STXBP6: variants seen among roughly 807,000 people sequenced by gnomAD.
The protein encoded by STXBP6 is syntaxin binding protein 6.
In STXBP6, 21 loss-of-function variants were observed where a neutral mutation model predicts 26.9. The ratio of observed to expected loss-of-function variants is 0.78; its 90% CI spans 0.55 to 1.12. STXBP6 has a LOEUF of 1.12. Among genes scored for constraint, STXBP6 ranks in the 50% most tolerant of loss-of-function variants. The probability of loss-of-function intolerance (pLI) is 0.00; values close to 1 mark genes in which losing one functional copy is unlikely to be tolerated. For missense variants in STXBP6, 232 were observed against 257.9 expected, an observed-to-expected ratio of 0.90 and a Z score of 0.69; for synonymous variants, 97 against 92.6, an observed-to-expected ratio of 1.05 and a Z score of -0.27.
In STXBP6 at chr14:24,910,312, T is replaced by C. The variant is rs141386796; in HGVS notation, c.155-53155A>G. ...GTTTTATAGTTAGTTAACATATTTC[T>C]TCTCCATTTGATGTATTTGTCTCCT... is the stretch of plus-strand genomic sequence containing the variant. On this transcript the variant is annotated intron_variant, in intron 2 of 5. Coordinates refer to ENST00000323944, the MANE Select transcript of STXBP6 (RefSeq NM_001394410.1). Among the ~76,000 whole-genome samples, 197 of 152,360 alleles carry C rather than the reference T, an allele frequency of 1.3e-3. 2 individuals carry two copies. The highest frequency in any genetic ancestry group is 2.5e-3 in the South Asian group (12 of 4,826).
chr14:25,028,458 A>G (rs896189162), intron 1 of STXBP6, among the ~76,000 whole-genome samples: 28 of 152,144 alleles, frequency 1.8e-4, no homozygotes, highest in African/African-American at 5.8e-4. Context: ...ATCTGTTCAC[A>G]GTATGGCTTA....
At chr14:25,002,669 C>T (rs1046980280) in intron 1 of STXBP6, among the ~76,000 whole-genome samples, 17 of 150,208 alleles carry the variant, frequency 1.1e-4, no homozygotes, top group African/African-American at 3.9e-4. Context: ...ATTCTTATGA[C>T]TTTCTAAGTC....
intron 1 of STXBP6, among the ~76,000 whole-genome samples, chr14:25,048,190 A>T (rs2075754149): frequency 1.3e-5 from 2 of 152,240 alleles, no homozygotes; most frequent in African/African-American, 4.8e-5. Context: ...GCTCATTCAA[A>T]ACAACTGAGT....
chr14:25,007,259 T>C (rs958012304), intron 1 of STXBP6, among the ~76,000 whole-genome samples: 2 of 152,252 alleles, frequency 1.3e-5, no homozygotes, highest in Admixed American at 6.5e-5. Flanking sequence ...TATCTGCATG[T>C]GTACACGTAA....
chr14:24,842,938 TG>T (rs1404108327), intron 4 of STXBP6, among the ~76,000 whole-genome samples: 1 of 152,176 alleles, frequency 6.6e-6, no homozygotes, highest in African/African-American at 2.4e-5. Flanking sequence ...TGGATAGAGC[TG>T]GGAAGTATAA....
intron 2 of STXBP6, among the ~76,000 whole-genome samples, chr14:24,917,548 C>G (rs1220517278): frequency 2.0e-5 from 3 of 151,866 alleles, no homozygotes; most frequent in African/African-American, 7.3e-5. Flanking sequence ...AACTGAATAA[C>G]CATATGCAAA....
rs2072757313 is a variant in STXBP6, at chr14:24,940,336, G to A, written c.154+34329C>T. On this transcript the variant is annotated intron_variant, in intron 2 of 5. Coordinates refer to ENST00000323944, the MANE Select transcript of STXBP6 (RefSeq NM_001394410.1). ...CAGTAGAAGTATGATTGCTATATGA[G>A]AGAGGGCAAAATACAAGAATTGTGA... Among the ~76,000 whole-genome samples the A allele has an allele frequency of 2.0e-5, 3 of 152,330 alleles. 1 individual carries two copies. The South Asian group carries it at 6.2e-4, about 32-fold the overall frequency.
chr14:24,837,367 C>T (rs60597460), intron 4 of STXBP6, among the ~76,000 whole-genome samples: 3,221 of 152,186 alleles, frequency 0.021, 96 homozygotes, highest in African/African-American at 0.073. Flanking sequence ...TACTTAAGTT[C>T]GGGGGTAGAA....
intron 1 of STXBP6, among the ~76,000 whole-genome samples, chr14:24,995,776 T>C (rs935672536): frequency 2.0e-5 from 3 of 152,178 alleles, no homozygotes; most frequent in African/African-American, 7.2e-5. Flanking sequence ...CTAAATACCC[T>C]TGAATGTTTA....
chr14:24,877,377 G>A (rs530638706), intron 2 of STXBP6, among the ~76,000 whole-genome samples: 3 of 152,178 alleles, frequency 2.0e-5, no homozygotes, highest in South Asian at 4.1e-4. Context: ...CCATCTCTGT[G>A]TCCATCTACT....
chr14:25,047,699 A>C (rs1374935024), intron 1 of STXBP6, among the ~76,000 whole-genome samples: 1 of 152,188 alleles, frequency 6.6e-6, no homozygotes, highest in Non-Finnish European at 1.5e-5. Flanking sequence ...AAGATGCTGC[A>C]CCTGGGGTGG....
chr14:24,912,441 C>CAA (rs373713561), intron 2 of STXBP6, among the ~76,000 whole-genome samples: 9,008 of 100,908 alleles, frequency 0.089, 431 homozygotes, highest in African/African-American at 0.17. Flanking sequence ...AAGTGAATGC[C>CAA]AAAAAAAAAA....
chr14:24,991,987 C>T (rs191407184), intron 1 of STXBP6, among the ~76,000 whole-genome samples: 17 of 152,280 alleles, frequency 1.1e-4, no homozygotes, highest in African/African-American at 3.9e-4. Flanking sequence ...GGCTGGGCTA[C>T]GTGCCACTCT....
At chr14:24,959,057 G>C (rs115946097) in intron 2 of STXBP6, among the ~76,000 whole-genome samples, 1 of 152,144 alleles carries the variant, frequency 6.6e-6, no homozygotes, top group Non-Finnish European at 1.5e-5. Context: ...GGTGATAGTC[G>C]TTGATCAATA....
In STXBP6 at chr14:25,006,081, CT is replaced by C. The variant is rs1487048783; in HGVS notation, c.-32-31232del. On this transcript the variant is annotated intron_variant, in intron 1 of 5. Coordinates refer to ENST00000323944, the MANE Select transcript of STXBP6 (RefSeq NM_001394410.1). ...CATCACTGTCAAAATATATCCCTGA[CT>C]TCTCTATAATGGCTCAAACACCTCC... 3.3e-5 allele frequency among the ~76,000 whole-genome samples: 5 copies of C among 152,338 alleles called. No homozygotes were observed. In the East Asian group the frequency reaches 9.6e-4, roughly 29 times the overall value.
chr14:24,854,849 G>T (rs981346485), intron 4 of STXBP6, among the ~76,000 whole-genome samples: 1 of 151,978 alleles, frequency 6.6e-6, no homozygotes, highest in East Asian at 1.9e-4. Context: ...TGTACCATAG[G>T]ATGTGACCCC....
chr14:24,952,670 G>T (rs1274741528), intron 2 of STXBP6, among the ~76,000 whole-genome samples: 2 of 152,090 alleles, frequency 1.3e-5, no homozygotes, highest in Non-Finnish European at 2.9e-5. Context: ...TTAAAGTATT[G>T]TTATACAAGG....
intron 2 of STXBP6, among the ~76,000 whole-genome samples, chr14:24,899,555 T>G (rs1303441023): frequency 4.0e-5 from 6 of 151,312 alleles, no homozygotes; most frequent in Non-Finnish European, 8.8e-5. Flanking sequence ...CTGAGGTGGG[T>G]GGATCACCTG....
intron 4 of STXBP6, among the ~76,000 whole-genome samples, chr14:24,825,794 T>C (rs1294626824): frequency 6.6e-6 from 1 of 152,236 alleles, no homozygotes; most frequent in Admixed American, 6.5e-5. Flanking sequence ...TTTAGGATTT[T>C]ATTCAGGTCT....
Sources: allele counts gnomAD v4.1 joint callset (sites outside exome capture counted in the v4.1 genomes callset), GRCh38; gene constraint gnomAD v4.1.1; transcripts MANE v1.5; gene names NCBI Gene and HGNC (gene_info 2026-07-23, HGNC 2026-07-21).